IPO11: variants seen among roughly 807,000 people sequenced by gnomAD.
The protein encoded by IPO11 is importin 11.
Under a neutral mutation model 143.2 loss-of-function variants are expected in IPO11, and 66 were observed. The observed-to-expected ratio is 0.46, with a 90% CI of 0.38 to 0.57. IPO11 has a LOEUF of 0.57. IPO11 is among the 20% of genes least tolerant of loss of function. The probability of loss-of-function intolerance (pLI) is 0.00; values close to 1 mark genes in which losing one functional copy is unlikely to be tolerated. For synonymous variants in IPO11, 385 were observed against 377.8 expected (o/e 1.02, Z -0.22); for missense variants, 1,026 against 1,141.0 (o/e 0.90, Z 1.45).
chr5:62,461,937 C>G (rs974561906), intron 5 of IPO11, among the ~76,000 whole-genome samples: 1 of 152,148 alleles, frequency 6.6e-6, no homozygotes, highest in African/African-American at 2.4e-5. Flanking sequence ...CGTGCTGGTA[C>G]TCAAAGTTAA....
intron 1 of IPO11, chr5:62,418,999 T>C: frequency 6.5e-7 from 1 of 1,548,856 alleles, no homozygotes; most frequent in South Asian, 1.2e-5. Flanking sequence ...ATGAACATCA[T>C]ATGAACAAAC....
intron 3 of IPO11, among the ~76,000 whole-genome samples, chr5:62,449,199 C>T (rs1454844121): frequency 6.6e-6 from 1 of 152,106 alleles, no homozygotes; most frequent in African/African-American, 2.4e-5. Flanking sequence ...TGTGCCTGGC[C>T]TTAATTTTAA....
chr5:62,482,981 C>A, intron 9 of IPO11, 120 bp from the exon 10 acceptor site: 1 of 644,756 alleles, frequency 1.6e-6, no homozygotes, highest in Non-Finnish European at 2.6e-6. Flanking sequence ...TGAACATAGA[C>A]TCCACACTAA....
chr5:62,418,581 A>G (rs1004501493), intron 1 of IPO11, among the ~76,000 whole-genome samples: 1 of 152,194 alleles, frequency 6.6e-6, no homozygotes, highest in Non-Finnish European at 1.5e-5. Context: ...GGGAACATAG[A>G]GATTCTTGGT....
intron 27 of IPO11, among the ~76,000 whole-genome samples, chr5:62,584,521 G>A (rs540224849): frequency 8.6e-4 from 130 of 150,460 alleles, no homozygotes; most frequent in African/African-American, 3.0e-3. Flanking sequence ...GCTGAGGTGT[G>A]AGGATTGCTT....
chr5:62,427,875 G>A (rs1743817135), intron 1 of IPO11, among the ~76,000 whole-genome samples: 1 of 152,190 alleles, frequency 6.6e-6, no homozygotes, highest in South Asian at 2.1e-4. Context: ...TTTAGCTGAA[G>A]GTATTTGGGA....
At chr5:62,440,094 C>G (rs1306763509) in intron 2 of IPO11, among the ~76,000 whole-genome samples, 1 of 152,150 alleles carries the variant, frequency 6.6e-6, no homozygotes, top group Non-Finnish European at 1.5e-5. Context: ...TTGCCAGGCA[C>G]TGTGCTAGAT....
Position 62,586,752 on chromosome 5 carries a change from C to CA in IPO11, c.2583-4808dup, listed in dbSNP as rs763383085. Among the ~76,000 whole-genome samples the CA allele has an allele frequency of 4.0e-3, 241 of 60,480 alleles. 8 individuals are homozygous for CA. The highest frequency in any genetic ancestry group is 0.018 in the African/African-American group (224 of 12,606). 39.7% of individuals were successfully genotyped at this position (60,480 alleles called of 152,430 possible). On this transcript the variant is annotated intron_variant, in intron 27 of 29. Coordinates refer to ENST00000325324, the MANE Select transcript of IPO11 (RefSeq NM_016338.5). ...GGCAACAAGAGCAAAACTCAGTCTC[C>CA]AAAAAAAAAAAAAAAAATATATATA...
intron 1 of IPO11, among the ~76,000 whole-genome samples, chr5:62,426,986 G>A (rs1449354813): frequency 1.0e-4 from 14 of 134,522 alleles, no homozygotes; most frequent in Non-Finnish European, 1.8e-4. Context: ...TGCCCAGGCT[G>A]GAGTGCAATG....
Position 62,488,567 on chromosome 5 carries a change from G to A in IPO11, c.1309+706G>A, listed in dbSNP as rs992120942. On this transcript the variant is annotated intron_variant, in intron 13 of 29. Transcript: ENST00000325324. Reference sequence around the variant, plus strand: ...GGAGATAGAGATATACTTTCGGAGTGCATGTATGTAAGGAGCCTTGGGAAA... The same window carrying A: ...GGAGATAGAGATATACTTTCGGAGTACATGTATGTAAGGAGCCTTGGGAAA... Among the ~76,000 whole-genome samples the A allele has an allele frequency of 2.0e-5, 3 of 152,168 alleles. 1 individual carries two copies. Among genetic ancestry groups the A allele is most frequent in the African/African-American group, 7.2e-5 (3 of 41,442 alleles).
At chr5:62,536,414 TATTCATTCATTC>T (rs33998415) in intron 22 of IPO11, among the ~76,000 whole-genome samples, 2 of 125,894 alleles carry the variant, frequency 1.6e-5, no homozygotes, top group Middle Eastern at 3.9e-3. Flanking sequence ...TTGATACCAG[TATTCATTCATTC>T]ATTCATTCAT....
rs185389848 is a variant in IPO11, at chr5:62,472,567, G to T, written c.709-1849G>T. Among the ~76,000 whole-genome samples the T allele has an allele frequency of 4.2e-5, 6 of 143,014 alleles. No homozygotes were observed. In the South Asian group the frequency reaches 1.3e-3, roughly 31 times the overall value. 93.8% of individuals were successfully genotyped at this position (143,014 alleles called of 152,430 possible). A position where few individuals can be genotyped will look rare whatever the true frequency, so the allele number is the denominator to read the frequency against. On this transcript the variant is annotated intron_variant, in intron 7 of 29. Coordinates refer to ENST00000325324, the MANE Select transcript of IPO11 (RefSeq NM_016338.5). ...TTTTTTGAGACAGTCTCACTCTGTC[G>T]CGCAGGCTGGAGTGCAATGGCGTGA...
rs1746616212 is a variant in IPO11, at chr5:62,627,180, A to G, written c.2790A>G (p.Thr930=). The G allele has an allele frequency of 3.7e-6, 6 of 1,613,920 alleles. No individual in the cohort carries two copies. Among genetic ancestry groups the G allele is most frequent in the East Asian group, 4.5e-5 (2 of 44,884 alleles). The change falls in exon 30 of 30, where the codon ACA becomes ACG. Residue 930 remains threonine (T), a synonymous_variant. Transcript: ENST00000325324. ...KMLALKDPVH[T]VSLQQFIYEK... ...TGGCCCTGAAGGACCCTGTTCATACAGTGTCACTGCAGCAGTTCATCTACG... is the reference window on the plus strand; with the variant it reads ...TGGCCCTGAAGGACCCTGTTCATACGGTGTCACTGCAGCAGTTCATCTACG...
intron 24 of IPO11, among the ~76,000 whole-genome samples, chr5:62,542,269 CAG>C (rs967816855): frequency 3.9e-5 from 6 of 151,908 alleles, no homozygotes; most frequent in Admixed American, 1.3e-4. Flanking sequence ...TTAAAAATCT[CAG>C]AAACTAGATT....
At chr5:62,421,653 G>A (rs570810910) in intron 1 of IPO11, among the ~76,000 whole-genome samples, 1 of 152,304 alleles carries the variant, frequency 6.6e-6, no homozygotes, top group East Asian at 1.9e-4. Context: ...CTTAAACTGT[G>A]TAGAGAACTG....
chr5:62,484,884 GTCTTT>G (rs1746340652), intron 11 of IPO11, among the ~76,000 whole-genome samples: 1 of 149,076 alleles, frequency 6.7e-6, no homozygotes, highest in South Asian at 2.1e-4. Context: ...TGTACAACAT[GTCTTT>G]TCTTGTTTTT....
chr5:62,530,163 C>A (rs1207544638), intron 21 of IPO11, among the ~76,000 whole-genome samples: 1 of 152,146 alleles, frequency 6.6e-6, no homozygotes, highest in Non-Finnish European at 1.5e-5. Flanking sequence ...ACCTGTTTGA[C>A]CAATCTGTAA....
chr5:62,469,799 G>C (rs1336588190), intron 6 of IPO11, among the ~76,000 whole-genome samples: 1 of 152,116 alleles, frequency 6.6e-6, no homozygotes, highest in Admixed American at 6.5e-5. Flanking sequence ...GAGCAGTGTA[G>C]TTGATTCCAA....
In IPO11 at chr5:62,561,167, T is replaced by G; in HGVS notation, c.2492T>G (p.Met831Arg). The change falls in exon 27 of 30, where the codon ATG becomes AGG. Residue 831 changes from methionine to arginine, a missense_variant. This residue lies in a region of IPO11 where 351 missense variants were observed against 358.9 expected (regional missense o/e 0.98). Coordinates refer to ENST00000325324, the MANE Select transcript of IPO11 (RefSeq NM_016338.5). ...MDQLLGNMIEMWVDRMDNITQ... is the reference protein window; with the variant it reads ...MDQLLGNMIERWVDRMDNITQ... ...CAGCTTTTGGGAAATATGATTGAAA[T>G]GTGGGTTGATCGAATGGACAACATT... 1 of 1,609,510 alleles carries G rather than the reference T, an allele frequency of 6.2e-7. No individual in the cohort carries two copies. Among genetic ancestry groups the G allele is most frequent in the Non-Finnish European group, 8.5e-7 (1 of 1,178,036 alleles).
Sources: gnomAD v4.1 joint callset for allele counts (sites outside exome capture counted in the v4.1 genomes callset) on GRCh38, gnomAD v4.1.1 for gene constraint, gnomAD v4.1.1 regional missense constraint, MANE v1.5 for transcripts, NCBI Gene and HGNC (gene_info 2026-07-23, HGNC 2026-07-21) for gene names.